The following THSD4 variants were observed in gnomAD, a reference collection of about 807,000 sequenced individuals.
THSD4 encodes the protein thrombospondin type 1 domain containing 4, also known as thrombospondin type-1 domain-containing protein 4.
In THSD4, 69 loss-of-function variants were observed where a neutral mutation model predicts 119.0. The ratio of observed to expected loss-of-function variants is 0.58; its 90% CI spans 0.48 to 0.71. The LOEUF (loss-of-function observed/expected upper bound fraction) is 0.71, where lower values mean the gene tolerates loss of function less well. Among genes scored for constraint, THSD4 ranks in the 30% least tolerant of loss-of-function variants. THSD4 has a pLI of 0.00. For missense variants in THSD4, 1,393 were observed against 1,391.1 expected (o/e 1.00, Z -0.02); for synonymous variants, 524 against 540.4 (o/e 0.97, Z 0.42).
At chr15:71,655,954 C>A (rs1036542777) in intron 7 of THSD4, among the ~76,000 whole-genome samples, 2 of 152,216 alleles carry the variant, frequency 1.3e-5, no homozygotes, top group African/African-American at 4.8e-5. Flanking sequence ...TCCAGCATCA[C>A]ACAACAAGCC....
intron 7 of THSD4, among the ~76,000 whole-genome samples, chr15:71,543,333 A>T (rs1363647167): frequency 6.6e-6 from 1 of 152,176 alleles, no homozygotes; most frequent in Non-Finnish European, 1.5e-5. Flanking sequence ...CTGCACTGGG[A>T]AAGAGGCCTG....
chr15:71,646,676 G>A (rs979463572), intron 7 of THSD4, among the ~76,000 whole-genome samples: 2 of 152,114 alleles, frequency 1.3e-5, no homozygotes, highest in African/African-American at 4.8e-5. Context: ...TAAATTAGGA[G>A]ATATAATTAA....
chr15:71,206,307 C>T (rs1010931451), intron 3 of THSD4, among the ~76,000 whole-genome samples: 8 of 152,130 alleles, frequency 5.3e-5, no homozygotes, highest in South Asian at 4.1e-4. Flanking sequence ...CCACCGCGCC[C>T]GGCCACGTTT....
In THSD4 at chr15:71,660,673, G is replaced by C; in HGVS notation, c.1296G>C (p.Glu432Asp). 6.2e-7 allele frequency: 1 copy of C among 1,614,192 alleles called. No homozygotes were observed. Among genetic ancestry groups the C allele is most frequent in the East Asian group, 2.2e-5 (1 of 44,874 alleles). The part of the protein sequence containing the change: ...LTSLGYHRVV[E>D]IPEGATKINI... Reference sequence around the variant, plus strand: ...GCCTGGGCTACCACCGCGTCGTGGAGATTCCCGAGGGAGCCACGAAAATCA... The same window carrying C: ...GCCTGGGCTACCACCGCGTCGTGGACATTCCCGAGGGAGCCACGAAAATCA... The change falls in exon 8 of 18, where the codon GAG (glutamate) becomes GAC (aspartate). Residue 432 changes from glutamate to aspartate, a missense_variant. Glu to Asp is a conservative substitution (Grantham distance 45, BLOSUM62 2). Transcript: ENST00000261862.
intron 8 of THSD4, among the ~76,000 whole-genome samples, chr15:71,667,281 T>C (rs1477775416): frequency 2.6e-5 from 4 of 152,238 alleles, no homozygotes; most frequent in Admixed American, 2.6e-4. Context: ...TTTAAATGAT[T>C]GACATTTTGT....
chr15:71,430,206 A>C (rs937629537), intron 7 of THSD4, among the ~76,000 whole-genome samples: 1 of 152,196 alleles, frequency 6.6e-6, no homozygotes, highest in Non-Finnish European at 1.5e-5. Context: ...AGAAAAACTC[A>C]AAAACAATGA....
At chr15:71,446,833 G>A (rs2047188666) in intron 7 of THSD4, among the ~76,000 whole-genome samples, 1 of 152,148 alleles carries the variant, frequency 6.6e-6, no homozygotes, top group African/African-American at 2.4e-5. Flanking sequence ...CCAGCAGGAG[G>A]AGGAGCCTAT....
chr15:71,332,891 C>CTTTTTTTTTTTTTTTTTTTTTTTTT lies in THSD4; in HGVS notation c.1015+76176_1015+76177insTTTTTTTTTTTTTTTTTTTTTTTTT, dbSNP rs1184457820. Among the ~76,000 whole-genome samples, 20 of 37,992 alleles carry CTTTTTTTTTTTTTTTTTTTTTTTTT rather than the reference C, an allele frequency of 5.3e-4. 1 individual carries two copies. Among genetic ancestry groups the CTTTTTTTTTTTTTTTTTTTTTTTTT allele is most frequent in the East Asian group, 2.5e-3 (2 of 794 alleles). 24.9% of individuals were successfully genotyped at this position (37,992 alleles called of 152,430 possible). On this transcript the variant is annotated intron_variant, in intron 6 of 17. Transcript: ENST00000261862. ...TTCTTAAAACATTGAGATTTTTTTA[C>CTTTTTTTTTTTTTTTTTTTTTTTTT]ATTTTTTTTTTTTTTTTAGTTCATC...
chr15:71,198,579 T>C lies in THSD4; in HGVS notation c.100-16456T>C, dbSNP rs116660987. The stretch of plus-strand genomic sequence containing the variant: ...CCTCAGTTTACCCAAATCACTGTCT[T>C]AGTGTCACTTCAAGTGTAGCTTTGG... On this transcript the variant is annotated intron_variant, in intron 3 of 17. Coordinates refer to ENST00000261862, the MANE Select transcript of THSD4 (RefSeq NM_024817.3). 2.7e-3 allele frequency among the ~76,000 whole-genome samples: 413 copies of C among 152,340 alleles called. 5 individuals are homozygous for C. The highest frequency in any genetic ancestry group is 9.8e-3 in the African/African-American group (408 of 41,580).
Position 71,783,030 on chromosome 15 carries a change from T to C in THSD4, c.*5656T>C, listed in dbSNP as rs912882108. On this transcript the variant is annotated 3_prime_UTR_variant, in exon 18 of 18. Transcript: ENST00000261862. ...GCTCTGACACTTCCACTGTCCCTGC[T>C]GGGGATGCTGGGGCCAAGGCCTGTG... The C allele has an allele frequency of 6.6e-6, 1 of 152,292 alleles. No individual in the cohort carries two copies. The highest frequency in any genetic ancestry group is 1.5e-5 in the Non-Finnish European group (1 of 68,116). The allele number at this position is 152,292 out of a possible 1,614,324, so 9.4% of individuals were successfully genotyped here. A position where few individuals can be genotyped will look rare whatever the true frequency, so the allele number is the denominator to read the frequency against.
intron 6 of THSD4, among the ~76,000 whole-genome samples, chr15:71,376,254 AGTGCTCAGG>A (rs2046135486): frequency 1.6e-5 from 1 of 61,898 alleles, no homozygotes; most frequent in Admixed American, 1.7e-4. Context: ...AGATGAAGGC[AGTGCTCAGG>A]TCTGAGGGCC....
chr15:71,671,178 A>G (rs1337532524), intron 8 of THSD4, among the ~76,000 whole-genome samples: 1 of 152,138 alleles, frequency 6.6e-6, no homozygotes, highest in Admixed American at 6.5e-5. Flanking sequence ...TTGCCATTCT[A>G]ACTGGTGTGA....
chr15:71,698,678 C>T (rs144689618), intron 8 of THSD4, among the ~76,000 whole-genome samples: 70 of 137,752 alleles, frequency 5.1e-4, no homozygotes, highest in African/African-American at 1.9e-3. Flanking sequence ...GTATATATTT[C>T]ACAAGTTCTT....
chr15:71,357,143 A>G (rs1260865696), intron 6 of THSD4, among the ~76,000 whole-genome samples: 1 of 152,134 alleles, frequency 6.6e-6, no homozygotes, highest in Non-Finnish European at 1.5e-5. Context: ...GGTGATGGAG[A>G]GAATACAAAG....
chr15:71,407,596 A>ATTT (rs5813629), intron 6 of THSD4, among the ~76,000 whole-genome samples: 32 of 148,422 alleles, frequency 2.2e-4, no homozygotes, highest in East Asian at 1.4e-3. Flanking sequence ...AGTCACCAGC[A>ATTT]TTTTTTTTTT....
intron 16 of THSD4, among the ~76,000 whole-genome samples, chr15:71,768,650 T>C (rs1311510237): frequency 1.4e-5 from 2 of 146,456 alleles, no homozygotes; most frequent in African/African-American, 5.0e-5. Context: ...CTGCAACCTC[T>C]GCCTCCCAGG....
At chr15:71,165,492 C>T (rs2043286980) in intron 3 of THSD4, 2 of 1,107,980 alleles carry the variant, frequency 1.8e-6, no homozygotes, top group Non-Finnish European at 2.6e-6. Context: ...GGCGCTGTCT[C>T]TGTGGAGCTC....
At chr15:71,126,548 A>G (rs906619005) in intron 1 of THSD4, among the ~76,000 whole-genome samples, 4 of 152,240 alleles carry the variant, frequency 2.6e-5, no homozygotes, top group African/African-American at 7.2e-5. Context: ...CCAGGTTTCA[A>G]TGGAAAATCA....
chr15:71,387,132 G>T (rs913281086), intron 6 of THSD4, among the ~76,000 whole-genome samples: 2 of 151,926 alleles, frequency 1.3e-5, no homozygotes, highest in Non-Finnish European at 2.9e-5. Context: ...GACTTGGGCC[G>T]GATGCTTTTA....
Sources: allele counts gnomAD v4.1 joint callset (sites outside exome capture counted in the v4.1 genomes callset), GRCh38; gene constraint gnomAD v4.1.1; transcripts MANE v1.5; gene names NCBI Gene and HGNC (gene_info 2026-07-23, HGNC 2026-07-21).